Variants in MAGI2 observed in about 807,000 individuals in gnomAD.
MAGI2 encodes the protein membrane associated guanylate kinase, WW and PDZ domain containing 2.
MAGI2 carries 35 observed loss-of-function variants against 133.3 expected under a neutral mutation model. The observed-to-expected ratio is 0.26, with a 90% CI of 0.20 to 0.35. MAGI2 has a LOEUF of 0.35. Among genes scored for constraint, MAGI2 ranks in the 10% least tolerant of loss-of-function variants. The pLI, the probability that MAGI2 is intolerant of heterozygous loss-of-function variation, is 1.00. For synonymous variants in MAGI2, 729 were observed against 710.6 expected (o/e 1.03, Z -0.41); for missense variants, 1,636 against 1,863.4 (o/e 0.88, Z 2.25).
At chr7:78,073,805 C>G (rs2151172121) in intron 21 of MAGI2, among the ~76,000 whole-genome samples, 1 of 152,334 alleles carries the variant, frequency 6.6e-6, no homozygotes. Flanking sequence ...TGCATACTTC[C>G]TTTTCTCTTA....
At chr7:78,757,888 T>C (rs1270116083) in intron 2 of MAGI2, among the ~76,000 whole-genome samples, 2 of 152,140 alleles carry the variant, frequency 1.3e-5, no homozygotes, top group Non-Finnish European at 1.5e-5. Flanking sequence ...AAACGTGCAT[T>C]TTACCATAGA....
intron 1 of MAGI2, among the ~76,000 whole-genome samples, chr7:79,427,586 GAGGA>G (rs994118359): frequency 6.6e-6 from 1 of 152,134 alleles, no homozygotes; most frequent in African/African-American, 2.4e-5. Context: ...ATTCTTGGTT[GAGGA>G]AGGGAGAGAA....
chr7:79,303,817 C>G (rs960943758), intron 1 of MAGI2, among the ~76,000 whole-genome samples: 3 of 152,084 alleles, frequency 2.0e-5, no homozygotes, highest in African/African-American at 7.2e-5. Flanking sequence ...TAATTAGGAA[C>G]GACATTAAGG....
At chr7:78,301,458 G>C (rs1797817584) in intron 9 of MAGI2, among the ~76,000 whole-genome samples, 1 of 152,144 alleles carries the variant, frequency 6.6e-6, no homozygotes, top group Non-Finnish European at 1.5e-5. Context: ...GTGGAACCAG[G>C]CATGCGAGAC....
chr7:78,960,291 T>A (rs1298977793), intron 2 of MAGI2, among the ~76,000 whole-genome samples: 1 of 152,158 alleles, frequency 6.6e-6, no homozygotes, highest in Non-Finnish European at 1.5e-5. Flanking sequence ...TTGTTACCTA[T>A]GTTTATTAAA....
intron 21 of MAGI2, among the ~76,000 whole-genome samples, chr7:78,048,453 G>A (rs943142667): frequency 1.3e-5 from 2 of 151,896 alleles, no homozygotes; most frequent in Non-Finnish European, 1.5e-5. Flanking sequence ...TGTTCCTCAC[G>A]CTCATTAAAA....
At chr7:79,093,772 T>C (rs1283137241) in intron 1 of MAGI2, among the ~76,000 whole-genome samples, 1 of 149,390 alleles carries the variant, frequency 6.7e-6, no homozygotes, top group Non-Finnish European at 1.5e-5. Context: ...TGGAGTGCAA[T>C]GGCATGGTCT....
At chr7:78,879,453 G>C (rs943741568) in intron 2 of MAGI2, among the ~76,000 whole-genome samples, 3 of 152,040 alleles carry the variant, frequency 2.0e-5, no homozygotes, top group Non-Finnish European at 4.4e-5. Context: ...CTGGTCAATG[G>C]AAGTGCATAG....
chr7:78,020,806 A>T (rs971778177), intron 21 of MAGI2, among the ~76,000 whole-genome samples: 7 of 138,970 alleles, frequency 5.0e-5, no homozygotes, highest in African/African-American at 8.6e-5. Flanking sequence ...AATACATTTT[A>T]AAACTATCAT....
intron 1 of MAGI2, among the ~76,000 whole-genome samples, chr7:79,451,633 T>A (rs1849258660): frequency 6.6e-6 from 1 of 152,242 alleles, no homozygotes; most frequent in Admixed American, 6.5e-5. Context: ...GTACTTCTTT[T>A]TATCTTGTTT....
chr7:79,137,203 G>C (rs1349435847), intron 1 of MAGI2, among the ~76,000 whole-genome samples: 1 of 152,044 alleles, frequency 6.6e-6, no homozygotes, highest in East Asian at 1.9e-4. Context: ...CTCTGAGAGG[G>C]GAGAAAAGAG....
intron 6 of MAGI2, among the ~76,000 whole-genome samples, chr7:78,444,561 T>A (rs1416406264): frequency 6.6e-6 from 1 of 152,046 alleles, no homozygotes; most frequent in Non-Finnish European, 1.5e-5. Context: ...AGGATTTAGA[T>A]TCATCAAAAA....
chr7:78,177,433 CACACACACACACAGACACACACACACAT>C (rs1295447145), intron 14 of MAGI2, among the ~76,000 whole-genome samples: 1 of 151,650 alleles, frequency 6.6e-6, no homozygotes, highest in East Asian at 1.9e-4. Context: ...CACACACACA[CACACACACACACAGACACACACACACAT>C]ACACACACAC....
At chr7:78,365,780 C>G in intron 7 of MAGI2, among the ~76,000 whole-genome samples, 1 of 152,196 alleles carries the variant, frequency 6.6e-6, no homozygotes, top group East Asian at 1.9e-4. Context: ...AAAGCCTGCT[C>G]AATCCAGGTT....
intron 2 of MAGI2, among the ~76,000 whole-genome samples, chr7:78,727,175 T>C (rs1396189751): frequency 2.0e-5 from 3 of 152,182 alleles, no homozygotes; most frequent in East Asian, 1.9e-4. Context: ...GCAATGGAAG[T>C]AGACACAAAA....
intron 20 of MAGI2, among the ~76,000 whole-genome samples, chr7:78,110,115 G>T (rs1047770767): frequency 6.6e-6 from 1 of 152,078 alleles, no homozygotes; most frequent in Non-Finnish European, 1.5e-5. Context: ...AGTTTTCCTG[G>T]CTGTTCCCTT....
intron 14 of MAGI2, among the ~76,000 whole-genome samples, chr7:78,175,728 G>C (rs13239612): frequency 6.6e-6 from 1 of 152,078 alleles, no homozygotes; most frequent in Non-Finnish European, 1.5e-5. Context: ...CTTGGGCAGA[G>C]GTGGCAGTCT....
chr7:78,869,498 T>A (rs1218216345), intron 2 of MAGI2, among the ~76,000 whole-genome samples: 1 of 152,156 alleles, frequency 6.6e-6, no homozygotes, highest in Admixed American at 6.5e-5. Flanking sequence ...ATTAGTATGT[T>A]TTCACACTGC....
rs142168435 is a variant in MAGI2 at position 78,133,045 on chromosome 7, G to A, written c.3047C>T (p.Thr1016Ile). 16 of 1,576,180 alleles carry A rather than the reference G, an allele frequency of 1.0e-5. No individual in the cohort carries two copies. In the African/African-American group the frequency reaches 2.2e-4, roughly 22 times the overall value. ...CTGCTTCTCTGAGCTGGGTGCCGAG[G>A]TGGGGCTGTTGAGCTCTGCGATGGA... Reference protein sequence around the residue: ...IIPQEELNSPTSAPSSEKQSP... With the variant: ...IIPQEELNSPISAPSSEKQSP... The change falls in exon 18 of 22, where the codon ACC becomes ATC. Residue 1016 changes from threonine (T) to isoleucine (I), a missense_variant. Coordinates refer to ENST00000354212, the MANE Select transcript of MAGI2 (RefSeq NM_012301.4).
Sources: gnomAD v4.1 joint callset for allele counts (sites outside exome capture counted in the v4.1 genomes callset) on GRCh38, gnomAD v4.1.1 for gene constraint, MANE v1.5 for transcripts, NCBI Gene and HGNC (gene_info 2026-07-23, HGNC 2026-07-21) for gene names.